CTNNA3: variants seen among roughly 807,000 people sequenced by gnomAD.
The protein encoded by CTNNA3 is catenin alpha-3.
Under a neutral mutation model 95.7 loss-of-function variants are expected in CTNNA3, and 76 were observed. That is an observed-to-expected ratio of 0.79 (90% CI 0.66 to 0.96). The LOEUF (loss-of-function observed/expected upper bound fraction) is 0.96, where lower values mean the gene tolerates loss of function less well. CTNNA3 is among the 40% of genes least tolerant of loss of function. The pLI is 0.00. For missense variants in CTNNA3, 1,191 were observed against 1,089.8 expected (o/e 1.09, Z -1.31); for synonymous variants, 431 against 374.4 (o/e 1.15, Z -1.74).
chr10:66,244,243 C>T (rs2090218546), intron 13 of CTNNA3, among the ~76,000 whole-genome samples: 1 of 152,186 alleles, frequency 6.6e-6, no homozygotes, highest in African/African-American at 2.4e-5. Flanking sequence ...TAGAATAGAA[C>T]ATCAGGTAGA....
rs1841235939 is a variant in CTNNA3 at position 66,797,207 on chromosome 10, A to G, written c.1048-21683T>C. On this transcript the variant is annotated intron_variant, in intron 7 of 17. Coordinates refer to ENST00000433211, the MANE Select transcript of CTNNA3 (RefSeq NM_013266.4). The stretch of plus-strand genomic sequence containing the variant: ...ATTCCTCAGTCCCAACTAAAGGTCT[A>G]CTACAGAGAGTACATATTTCTTAAA... Among the ~76,000 whole-genome samples the G allele has an allele frequency of 2.0e-5, 3 of 151,930 alleles. No homozygotes were observed. The South Asian group carries it at 6.2e-4, about 31-fold the overall frequency.
chr10:65,979,570 A>G (rs1240843034), intron 16 of CTNNA3, among the ~76,000 whole-genome samples: 2 of 152,096 alleles, frequency 1.3e-5, no homozygotes, highest in African/African-American at 4.8e-5. Context: ...AGCCAACTAC[A>G]AGAAGAAACT....
intron 11 of CTNNA3, among the ~76,000 whole-genome samples, chr10:66,416,933 A>T (rs1400343464): frequency 2.6e-5 from 4 of 152,078 alleles, no homozygotes; most frequent in African/African-American, 9.6e-5. Flanking sequence ...CCCTACAGAT[A>T]ACTACCAACT....
intron 7 of CTNNA3, among the ~76,000 whole-genome samples, chr10:66,877,372 A>T (rs1267641457): frequency 6.6e-6 from 1 of 152,172 alleles, no homozygotes; most frequent in Non-Finnish European, 1.5e-5. Flanking sequence ...TTTGCACAGC[A>T]GGCACATTGC....
intron 7 of CTNNA3, among the ~76,000 whole-genome samples, chr10:67,110,741 T>C (rs1187045712): frequency 1.3e-5 from 2 of 152,186 alleles, no homozygotes; most frequent in East Asian, 3.8e-4. Flanking sequence ...TTTATTACTT[T>C]TGTTGAACTG....
rs200799277 is a variant in CTNNA3, at chr10:66,367,910, T to A, written c.1732+11242A>T. 3.0e-3 allele frequency among the ~76,000 whole-genome samples: 354 copies of A among 118,620 alleles called. 4 individuals carry two copies. Among genetic ancestry groups the A allele is most frequent in the African/African-American group, 0.01 (324 of 31,736 alleles). The allele number at this position is 118,620 out of a possible 152,430, so 77.8% of individuals were successfully genotyped here. A position where few individuals can be genotyped will look rare whatever the true frequency, so the allele number is the denominator to read the frequency against. ...TTATTATTATTATTATTATTATTAT[T>A]ATTATTATTATTATTATTTTCTGGG... is the stretch of plus-strand genomic sequence containing the variant. On this transcript the variant is annotated intron_variant, in intron 12 of 17. Coordinates refer to ENST00000433211, the MANE Select transcript of CTNNA3 (RefSeq NM_013266.4).
chr10:67,652,176 T>A (rs1306264598), intron 1 of CTNNA3, among the ~76,000 whole-genome samples: 1 of 152,228 alleles, frequency 6.6e-6, no homozygotes, highest in African/African-American at 2.4e-5. Flanking sequence ...ATAAGGACAC[T>A]AATCCTATTG....
At chr10:65,935,001 C>T (rs1167753147) in intron 17 of CTNNA3, among the ~76,000 whole-genome samples, 2 of 152,038 alleles carry the variant, frequency 1.3e-5, no homozygotes, top group Non-Finnish European at 2.9e-5. Flanking sequence ...AGTAGCAGTG[C>T]CCAGTGTGTC....
At chr10:67,360,250 C>T (rs1054667792) in intron 5 of CTNNA3, among the ~76,000 whole-genome samples, 2 of 152,006 alleles carry the variant, frequency 1.3e-5, no homozygotes, top group African/African-American at 4.8e-5. Flanking sequence ...ACCATAAAAA[C>T]ATATGTAAGT....
Position 66,037,904 on chromosome 10 carries a change from C to A in CTNNA3, c.2159+31404G>T, listed in dbSNP as rs960768649. On this transcript the variant is annotated intron_variant, in intron 15 of 17. Coordinates refer to ENST00000433211, the MANE Select transcript of CTNNA3 (RefSeq NM_013266.4). ...TGTAATTGCTATTTTTATTGTGTAT[C>A]AATTTATTAGAAATGACACAACACA... 4.6e-5 allele frequency among the ~76,000 whole-genome samples: 7 copies of A among 151,836 alleles called. No homozygotes were observed. The South Asian group carries it at 1.5e-3, about 32-fold the overall frequency.
chr10:66,434,023 T>G (rs1310656398), intron 11 of CTNNA3, among the ~76,000 whole-genome samples: 2 of 152,172 alleles, frequency 1.3e-5, no homozygotes, highest in African/African-American at 4.8e-5. Context: ...GGTAACAGTA[T>G]CATGCTGTTT....
intron 13 of CTNNA3, among the ~76,000 whole-genome samples, chr10:66,252,436 G>A (rs78881304): frequency 0.033 from 5,082 of 152,140 alleles, 133 homozygotes; most frequent in Middle Eastern, 0.058. Flanking sequence ...TCAACAACTA[G>A]CTGCTAATTA....
chr10:66,816,207 A>C (rs1021150969), intron 7 of CTNNA3, among the ~76,000 whole-genome samples: 2 of 152,174 alleles, frequency 1.3e-5, no homozygotes, highest in Non-Finnish European at 2.9e-5. Context: ...ATAGTAAAAG[A>C]AAATTATAAC....
At chr10:67,375,782 C>G (rs1332476850) in intron 5 of CTNNA3, among the ~76,000 whole-genome samples, 1 of 152,070 alleles carries the variant, frequency 6.6e-6, no homozygotes, top group South Asian at 2.1e-4. Flanking sequence ...CTAACAAAAC[C>G]TGAAATAAAT....
At chr10:66,585,348 A>G (rs973429857) in intron 10 of CTNNA3, among the ~76,000 whole-genome samples, 5 of 151,982 alleles carry the variant, frequency 3.3e-5, no homozygotes, top group African/African-American at 1.2e-4. Context: ...GCCATTTTAT[A>G]TAATCCACAT....
intron 3 of CTNNA3, among the ~76,000 whole-genome samples, chr10:67,577,722 G>GTGTGTGTA (rs1554856328): frequency 6.8e-6 from 1 of 146,664 alleles, no homozygotes; most frequent in South Asian, 2.2e-4. Flanking sequence ...GTGTGTGTGT[G>GTGTGTGTA]TATATATACT....
chr10:66,428,625 A>G, intron 11 of CTNNA3, among the ~76,000 whole-genome samples: 1 of 145,018 alleles, frequency 6.9e-6, no homozygotes, highest in Admixed American at 7.1e-5. Flanking sequence ...AACTACATGG[A>G]AACTGAACAA....
chr10:67,521,714 G>GCA, intron 5 of CTNNA3, 128 bp downstream of exon 5: 1 of 1,210,468 alleles, frequency 8.3e-7, no homozygotes, highest in Non-Finnish European at 1.1e-6. Flanking sequence ...GATCAGCACA[G>GCA]CACAACCTGT....
Position 67,746,918 on chromosome 10 carries a change from G to T in CTNNA3, c.-2+16516C>A, listed in dbSNP as rs1485862253. ...AAGGGCAGCAGCTATCACTGCAGCTGCAGAGCACCATTTTTCCCCTGCTGG... is the reference window on the plus strand; with the variant it reads ...AAGGGCAGCAGCTATCACTGCAGCTTCAGAGCACCATTTTTCCCCTGCTGG... On this transcript the variant is annotated intron_variant, in intron 1 of 17. Transcript: ENST00000684154. 2.0e-5 allele frequency among the ~76,000 whole-genome samples: 3 copies of T among 152,230 alleles called. No homozygotes were observed. The East Asian group carries it at 5.8e-4, about 29-fold the overall frequency.
Sources: gnomAD v4.1 joint callset for allele counts (sites outside exome capture counted in the v4.1 genomes callset) on GRCh38, gnomAD v4.1.1 for gene constraint, MANE v1.5 for transcripts, NCBI Gene and HGNC (gene_info 2026-07-23, HGNC 2026-07-21) for gene names.